SNAP91: variants seen among roughly 807,000 people sequenced by gnomAD.
The protein encoded by SNAP91 is clathrin coat assembly protein AP180.
Under a neutral mutation model 100.3 loss-of-function variants are expected in SNAP91, and 27 were observed. The ratio of observed to expected loss-of-function variants is 0.27; its 90% confidence interval spans 0.20 to 0.37. The LOEUF (loss-of-function observed/expected upper bound fraction) is 0.37. Ranked by LOEUF, SNAP91 falls within the 10% of genes least tolerant of loss-of-function variation. The pLI, the probability that SNAP91 is intolerant of heterozygous loss-of-function variation, is 1.00. For missense variants in SNAP91, 986 were observed against 1,123.7 expected, an observed-to-expected ratio of 0.88 and a Z score of 1.75; for synonymous variants, 404 against 398.6, an observed-to-expected ratio of 1.01 and a Z score of -0.16.
chr6:83,633,571 G>A (rs1339817543), intron 8 of SNAP91, among the ~76,000 whole-genome samples: 1 of 152,072 alleles, frequency 6.6e-6, no homozygotes, highest in Non-Finnish European at 1.5e-5. Flanking sequence ...TGGGGGTTGG[G>A]GGTGAGGTTC....
intron 22 of SNAP91, among the ~76,000 whole-genome samples, 187 bp downstream of exon 22, chr6:83,591,024 T>A (rs926926806): frequency 5.3e-5 from 8 of 152,194 alleles, no homozygotes; most frequent in Middle Eastern, 3.2e-3. Flanking sequence ...GTATGATTGA[T>A]CCTGTCACCC....
At chr6:83,692,514 C>CA (rs11465130) in intron 2 of SNAP91, among the ~76,000 whole-genome samples, 117,945 of 148,428 alleles carry the variant, frequency 0.79, 46,897 homozygotes, top group East Asian at 0.89. Context: ...GACTCTGTCT[C>CA]AAAAAAAAAA....
At chr6:83,608,960 G>T (rs1221055771) in intron 12 of SNAP91, among the ~76,000 whole-genome samples, 1 of 152,140 alleles carries the variant, frequency 6.6e-6, no homozygotes, top group Admixed American at 6.5e-5. Flanking sequence ...GAAAGGACTA[G>T]TTAAAGCTAA....
At chr6:83,699,140 C>T (rs772367120) in intron 2 of SNAP91, among the ~76,000 whole-genome samples, 1 of 152,092 alleles carries the variant, frequency 6.6e-6, no homozygotes, top group Non-Finnish European at 1.5e-5. Flanking sequence ...CCTAGGATTC[C>T]CACAAATGAA....
chr6:83,661,741 A>AT, intron 4 of SNAP91, 137 bp from the exon 5 acceptor site: 1 of 441,666 alleles, frequency 2.3e-6, no homozygotes, highest in East Asian at 3.4e-5. Flanking sequence ...GATAGATCTC[A>AT]TTTAAAATCC....
intron 2 of SNAP91, among the ~76,000 whole-genome samples, chr6:83,666,664 T>C (rs1275484069): frequency 6.6e-6 from 1 of 152,112 alleles, no homozygotes; most frequent in African/African-American, 2.4e-5. Flanking sequence ...CTAAACTCCT[T>C]AGACTAAAGG....
intron 11 of SNAP91, among the ~76,000 whole-genome samples, chr6:83,614,550 A>G (rs1255148268): frequency 6.6e-6 from 1 of 152,144 alleles, no homozygotes; most frequent in African/African-American, 2.4e-5. Flanking sequence ...GCCATGGGGA[A>G]GTCTTTTGTT....
At chr6:83,593,999 C>A (rs998133341) in intron 17 of SNAP91, among the ~76,000 whole-genome samples, 1 of 152,146 alleles carries the variant, frequency 6.6e-6, no homozygotes, top group African/African-American at 2.4e-5. Flanking sequence ...AACCTACAGT[C>A]TAGGATCAGA....
intron 14 of SNAP91, among the ~76,000 whole-genome samples, chr6:83,604,240 T>C (rs1460121934): frequency 6.7e-6 from 1 of 150,032 alleles, no homozygotes; most frequent in Non-Finnish European, 1.5e-5. Context: ...AAGCTCAGAA[T>C]AAAAACATGA....
chr6:83,638,979 G>T (rs1212314271), intron 8 of SNAP91, among the ~76,000 whole-genome samples: 1 of 152,126 alleles, frequency 6.6e-6, no homozygotes, highest in Non-Finnish European at 1.5e-5. Context: ...TCTGCCATAG[G>T]AGACTTCAGA....
chr6:83,707,907 C>T lies in SNAP91; in HGVS notation c.21G>A (p.Thr7=), dbSNP rs374128481. 6.3e-7 allele frequency: 1 copy of T among 1,590,654 alleles called. No homozygotes were observed. The highest frequency in any genetic ancestry group is 1.4e-5 in the African/African-American group (1 of 73,484). Residue 7 remains threonine, a synonymous_variant, in exon 2 of 30, where the codon ACG becomes ACA. Transcript: ENST00000369694. MSGQTL[T]DRIAAAQYSV... ...TGTACTGAGCGGCGGCGATCCGATCCGTGAGCGTTTGGCCCGACATCTTCT... is the reference window on the plus strand; with the variant it reads ...TGTACTGAGCGGCGGCGATCCGATCTGTGAGCGTTTGGCCCGACATCTTCT...
chr6:83,704,513 A>C (rs2129064152), intron 2 of SNAP91, among the ~76,000 whole-genome samples: 1 of 152,290 alleles, frequency 6.6e-6, no homozygotes, highest in African/African-American at 2.4e-5. Flanking sequence ...TTAACAAATC[A>C]TTTCTTCAAG....
Position 83,591,254 on chromosome 6 carries a change from A to G in SNAP91, c.1971T>C (p.Ser657=). The stretch of plus-strand genomic sequence containing the variant: ...ATGCTGATGAACTAGAAGCAGCCTG[A>G]GATGCAGGTTGGGGTTCAGAAGCAC... ...GSSASEPQPA[S]QAASSSSASA... Residue 657 remains serine (S), a synonymous_variant, in exon 22 of 30, where the codon TCT becomes TCC. Transcript: ENST00000369694. 1 of 1,613,150 alleles carries G rather than the reference A, an allele frequency of 6.2e-7. No individual in the cohort carries two copies. The highest frequency in any genetic ancestry group is 8.5e-7 in the Non-Finnish European group (1 of 1,179,236).
At chr6:83,655,481 T>C (rs1266609620) in intron 7 of SNAP91, among the ~76,000 whole-genome samples, 1 of 152,194 alleles carries the variant, frequency 6.6e-6, no homozygotes, top group African/African-American at 2.4e-5. Context: ...TACACTCCAA[T>C]ACAGGCCTCC....
At chr6:83,591,472 C>CA (rs1024801812) in intron 21 of SNAP91, among the ~76,000 whole-genome samples, 178 bp from the exon 22 acceptor site, 13 of 151,960 alleles carry the variant, frequency 8.6e-5, no homozygotes, top group African/African-American at 3.1e-4. Context: ...TTTATTCTCT[C>CA]AAAAAGAGTT....
chr6:83,687,266 G>A (rs2099072787), intron 2 of SNAP91, among the ~76,000 whole-genome samples: 2 of 151,954 alleles, frequency 1.3e-5, no homozygotes, highest in Non-Finnish European at 2.9e-5. Context: ...TACCTAATAC[G>A]GCGAAAATGA....
At chr6:83,688,053 T>C (rs1587633953) in intron 2 of SNAP91, among the ~76,000 whole-genome samples, 1 of 152,178 alleles carries the variant, frequency 6.6e-6, no homozygotes, top group Non-Finnish European at 1.5e-5. Context: ...TTGACTCCAT[T>C]ATGGGCCAAG....
At chr6:83,661,465 T>C in intron 5 of SNAP91, 37 bp downstream of exon 5, 1 of 1,307,890 alleles carries the variant, frequency 7.6e-7, no homozygotes, top group Non-Finnish European at 1.1e-6. Flanking sequence ...CAAAGACTTA[T>C]TCTCCTCTAA....
chr6:83,648,909 A>C (rs565081494), intron 7 of SNAP91, among the ~76,000 whole-genome samples: 5 of 152,148 alleles, frequency 3.3e-5, no homozygotes, highest in Non-Finnish European at 7.3e-5. Flanking sequence ...ATTCTTAATG[A>C]TGTCTTTTGA....
Sources: allele counts gnomAD v4.1 joint callset (sites outside exome capture counted in the v4.1 genomes callset), GRCh38; gene constraint gnomAD v4.1.1; transcripts MANE v1.5; gene names NCBI Gene and HGNC (gene_info 2026-07-23, HGNC 2026-07-21).